The following SPIDR variants were observed in gnomAD, a reference collection of about 807,000 sequenced individuals.
The protein encoded by SPIDR is scaffold protein involved in DNA repair, also known as DNA repair-scaffolding protein.
SPIDR carries 93 observed loss-of-function variants against 104.6 expected under a neutral mutation model. The observed-to-expected ratio is 0.89, with a 90% CI of 0.75 to 1.06. The LOEUF (loss-of-function observed/expected upper bound fraction) is 1.06. Among genes scored for constraint, SPIDR ranks in the 50% least tolerant of loss-of-function variants. SPIDR has a pLI of 0.00. For missense variants in SPIDR, 1,154 were observed against 1,111.2 expected (o/e 1.04, Z -0.55); for synonymous variants, 431 against 416.9 (o/e 1.03, Z -0.41).
At chr8:47,583,676 T>C (rs1197623576) in intron 8 of SPIDR, among the ~76,000 whole-genome samples, 2 of 152,192 alleles carry the variant, frequency 1.3e-5, no homozygotes, top group African/African-American at 4.8e-5. Context: ...CTCTGCCTGC[T>C]AATAAAGGAA....
rs35332610 is a variant in SPIDR, at chr8:47,471,325, CAA to C, written c.1097+30799_1097+30800del. ...ATAGGGAATTCCTATAATTCAATGT[CAA>C]AAAAAAAAAAAAAAACAGCCCAGTT... On this transcript the variant is annotated intron_variant, in intron 8 of 19. Transcript: ENST00000297423. Among the ~76,000 whole-genome samples the C allele has an allele frequency of 8.6e-3, 948 of 110,710 alleles. 9 individuals carry two copies. The highest frequency in any genetic ancestry group is 0.022 in the South Asian group (69 of 3,134). The allele number at this position is 110,710 out of a possible 152,430, so 72.6% of individuals were successfully genotyped here. A position where few individuals can be genotyped will look rare whatever the true frequency, so the allele number is the denominator to read the frequency against.
intron 8 of SPIDR, chr8:47,511,162 G>A (rs2082259622): frequency 1.9e-6 from 3 of 1,557,366 alleles, no homozygotes; most frequent in Admixed American, 1.7e-5. Flanking sequence ...GGCTGGCCGG[G>A]CATCCACAAT....
chr8:47,732,043 G>GC (rs1362482723), intron 19 of SPIDR: 1 of 673,426 alleles, frequency 1.5e-6, no homozygotes, highest in Non-Finnish European at 2.7e-6. Flanking sequence ...TGTGGCAGCA[G>GC]CTGCCTGGCA....
At chr8:47,424,614 G>T (rs6992107) in intron 7 of SPIDR, among the ~76,000 whole-genome samples, 19 of 152,050 alleles carry the variant, frequency 1.2e-4, no homozygotes, top group Non-Finnish European at 2.5e-4. Flanking sequence ...CACCATACCC[G>T]GACCCTTAGA....
At chr8:47,282,207 C>T (rs1449521827) in intron 2 of SPIDR, among the ~76,000 whole-genome samples, 6 of 152,144 alleles carry the variant, frequency 3.9e-5, no homozygotes, top group African/African-American at 7.2e-5. Flanking sequence ...ATCATAAGGG[C>T]GCTAGGATTT....
At chr8:47,372,422 C>G (rs886187116) in intron 5 of SPIDR, among the ~76,000 whole-genome samples, 2 of 151,990 alleles carry the variant, frequency 1.3e-5, no homozygotes, top group Non-Finnish European at 2.9e-5. Flanking sequence ...GTGAGGAGTT[C>G]GAGACCAGCC....
At chr8:47,568,056 A>C (rs535675088) in intron 8 of SPIDR, among the ~76,000 whole-genome samples, 1 of 152,260 alleles carries the variant, frequency 6.6e-6, no homozygotes, top group East Asian at 1.9e-4. Flanking sequence ...GATTACAGGC[A>C]TGAGACATCA....
intron 6 of SPIDR, among the ~76,000 whole-genome samples, chr8:47,399,293 C>A (rs2061579650): frequency 6.6e-6 from 1 of 152,180 alleles, no homozygotes; most frequent in African/African-American, 2.4e-5. Flanking sequence ...TCAGAGTGTG[C>A]ACCCATGGCC....
At chr8:47,545,119 C>CTT (rs1201682766) in intron 8 of SPIDR, among the ~76,000 whole-genome samples, 10 of 23,938 alleles carry the variant, frequency 4.2e-4, no homozygotes, top group South Asian at 1.9e-3. Flanking sequence ...TTCTTTCTTT[C>CTT]TTTTTTTTTT....
intron 8 of SPIDR, among the ~76,000 whole-genome samples, chr8:47,494,476 A>G (rs2079156199): frequency 6.6e-6 from 1 of 152,106 alleles, no homozygotes; most frequent in African/African-American, 2.4e-5. Flanking sequence ...GTGTAAATAA[A>G]TATTTTAAAA....
In SPIDR at chr8:47,719,290, C is replaced by T. The variant is rs113900202; in HGVS notation, c.2341+5649C>T. Among the ~76,000 whole-genome samples the T allele has an allele frequency of 5.4e-3, 818 of 152,170 alleles. 4 individuals carry two copies. Among genetic ancestry groups the T allele is most frequent in the Non-Finnish European group, 9.4e-3 (637 of 67,994 alleles). ...TGGGGAGGCCGAGGCAGGCGGATCACGAGGTCAGGAGATCGAGACCATCCT... is the reference window on the plus strand; with the variant it reads ...TGGGGAGGCCGAGGCAGGCGGATCATGAGGTCAGGAGATCGAGACCATCCT... On this transcript the variant is annotated intron_variant, in intron 16 of 19. Transcript: ENST00000297423.
At chr8:47,540,578 C>G (rs1416162482) in intron 8 of SPIDR, among the ~76,000 whole-genome samples, 2 of 152,172 alleles carry the variant, frequency 1.3e-5, no homozygotes, top group African/African-American at 4.8e-5. Flanking sequence ...GGAACTTTCT[C>G]TAACTACATC....
chr8:47,708,952 T>C (rs1025179799), intron 14 of SPIDR, among the ~76,000 whole-genome samples: 1 of 152,158 alleles, frequency 6.6e-6, no homozygotes, highest in Non-Finnish European at 1.5e-5. Flanking sequence ...GTTTCCAGGT[T>C]TTGGCAATTA....
chr8:47,714,998 G>A (rs923280579), intron 16 of SPIDR, among the ~76,000 whole-genome samples: 33 of 152,104 alleles, frequency 2.2e-4, no homozygotes, highest in South Asian at 2.1e-4. Flanking sequence ...AGTGTTTTTA[G>A]TATTCACAGA....
intron 19 of SPIDR, among the ~76,000 whole-genome samples, 170 bp from the exon 20 acceptor site, chr8:47,735,137 G>C (rs2086067584): frequency 6.8e-6 from 1 of 147,076 alleles, no homozygotes; most frequent in Non-Finnish European, 1.5e-5. Flanking sequence ...TGTGTGTGTA[G>C]TGGCTCTTCA....
intron 5 of SPIDR, among the ~76,000 whole-genome samples, chr8:47,340,255 T>A (rs1450662923): frequency 1.3e-5 from 2 of 152,178 alleles, no homozygotes; most frequent in East Asian, 3.9e-4. Flanking sequence ...AGGGGAGATA[T>A]AACCGTGGGA....
At chr8:47,589,022 GTTTTTTTT>G (rs1168001066) in intron 8 of SPIDR, among the ~76,000 whole-genome samples, 3 of 89,056 alleles carry the variant, frequency 3.4e-5, no homozygotes, top group Non-Finnish European at 7.0e-5. Flanking sequence ...TTTATAGTTT[GTTTTTTTT>G]TTTTTTTTTT....
intron 5 of SPIDR, among the ~76,000 whole-genome samples, chr8:47,371,781 T>C (rs2058062621): frequency 6.6e-6 from 1 of 152,120 alleles, no homozygotes; most frequent in Admixed American, 6.5e-5. Flanking sequence ...GTGCATTGCT[T>C]CAAAAAATTA....
intron 10 of SPIDR, among the ~76,000 whole-genome samples, chr8:47,606,628 G>A (rs1454675064): frequency 6.6e-6 from 1 of 152,156 alleles, no homozygotes; most frequent in African/African-American, 2.4e-5. Context: ...CTAGTAGATC[G>A]TGGATGTGAT....
Sources: gnomAD v4.1 joint callset for allele counts (sites outside exome capture counted in the v4.1 genomes callset) on GRCh38, gnomAD v4.1.1 for gene constraint, MANE v1.5 for transcripts, NCBI Gene and HGNC (gene_info 2026-07-23, HGNC 2026-07-21) for gene names.